Variants in SAMD4B observed in about 807,000 individuals in gnomAD.
SAMD4B encodes protein Smaug homolog 2.
Under a neutral mutation model 74.5 loss-of-function variants are expected in SAMD4B, and 5 were observed. The observed-to-expected ratio is 0.07, with a 90% CI of 0.04 to 0.14. The LOEUF is 0.14. Ranked by LOEUF, SAMD4B falls within the 10% of genes least tolerant of loss-of-function variation. The pLI, the probability that SAMD4B is intolerant of heterozygous loss-of-function variation, is 1.00. For missense variants in SAMD4B, 608 were observed against 921.8 expected (o/e 0.66, Z 4.41); for synonymous variants, 373 against 374.9 (o/e 1.00, Z 0.06).
In SAMD4B at chr19:39,383,534, C is replaced by G; in HGVS notation, c.*7C>G. 1 of 1,614,250 alleles carries G rather than the reference C, an allele frequency of 6.2e-7. No homozygotes were observed. The highest frequency in any genetic ancestry group is 2.2e-5 in the East Asian group (1 of 44,880). On this transcript the variant is annotated 3_prime_UTR_variant, in exon 14 of 14. Transcript: ENST00000610417. The surrounding 1 kb of genome is among the most constrained non-coding windows in gnomAD (Gnocchi z 4.1). ...CAAAACCTCCACCATCTGACGGGAC[C>G]CACAGCCCAGCGCACCCATAGGCTC...
At chr19:39,367,121 G>A (rs369794971) in intron 3 of SAMD4B, among the ~76,000 whole-genome samples, 1 of 152,208 alleles carries the variant, frequency 6.6e-6, no homozygotes, top group South Asian at 2.1e-4. Flanking sequence ...TCAGTGAAGT[G>A]ATCACACTTG....
At position 39,376,447 on chromosome 19, in the gene SAMD4B, A is replaced by G. The variant is rs774186331; in HGVS notation, c.918A>G (p.Ser306=). 1 of 1,611,950 alleles carries G rather than the reference A, an allele frequency of 6.2e-7. No homozygotes were observed. Among genetic ancestry groups the G allele is most frequent in the Admixed American group, 1.7e-5 (1 of 60,002 alleles). Residue 306 remains serine (S), a synonymous_variant, in exon 6 of 14, where the codon TCA becomes TCG. Coordinates refer to ENST00000610417, the MANE Select transcript of SAMD4B (RefSeq NM_001384574.2). ...EDGSGMKDVP[S]WLKSLRLHKY... is the part of the protein sequence containing the mutation. ...CCTCCTTTGCCAAAGATGTGCCCTCATGGCTCAAGAGCCTCCGTTTGCACA... is the reference window on the plus strand; with the variant it reads ...CCTCCTTTGCCAAAGATGTGCCCTCGTGGCTCAAGAGCCTCCGTTTGCACA...
intron 3 of SAMD4B, chr19:39,369,447 C>T: frequency 1.7e-6 from 1 of 582,020 alleles, no homozygotes; most frequent in Non-Finnish European, 3.0e-6. Context: ...GACCCCATCT[C>T]TTAAAAAAAA....
intron 1 of SAMD4B, among the ~76,000 whole-genome samples, chr19:39,353,123 T>G (rs2076147175): frequency 6.6e-6 from 1 of 152,132 alleles, no homozygotes; most frequent in South Asian, 2.1e-4. Flanking sequence ...TGCTGCCTCT[T>G]TGGGACTGAA....
chr19:39,349,002 C>G (rs1471524282), intron 1 of SAMD4B, among the ~76,000 whole-genome samples: 5 of 152,178 alleles, frequency 3.3e-5, no homozygotes, highest in Admixed American at 6.5e-5. Context: ...ATTACACCCA[C>G]ATTACAGATG....
At chr19:39,390,326 G>A (rs746242540), downstream of SAMD4B, 26 of 1,584,548 alleles carry the variant, frequency 1.6e-5, no homozygotes, top group East Asian at 4.1e-4. Flanking sequence ...AGGTGGAGAG[G>A]ACGGGATTGA....
chr19:39,367,985 C>T (rs1005152297), intron 3 of SAMD4B, among the ~76,000 whole-genome samples: 12 of 151,104 alleles, frequency 7.9e-5, no homozygotes, highest in East Asian at 6.0e-4. Flanking sequence ...GAGGCTGAGG[C>T]GGGTGGATCA....
At chr19:39,372,364 C>T (rs1019133056) in intron 4 of SAMD4B, among the ~76,000 whole-genome samples, 7 of 152,098 alleles carry the variant, frequency 4.6e-5, no homozygotes, top group Non-Finnish European at 5.9e-5. Context: ...CACACAGAGG[C>T]GACAGAGTCA....
chr19:39,381,828 A>G, intron 12 of SAMD4B, among the ~76,000 whole-genome samples: 1 of 152,190 alleles, frequency 6.6e-6, no homozygotes, highest in Non-Finnish European at 1.5e-5. Context: ...GCTACTCGGG[A>G]GGGTGAGGCA....
intron 3 of SAMD4B, among the ~76,000 whole-genome samples, chr19:39,359,543 A>G (rs886610057): frequency 6.6e-6 from 1 of 152,204 alleles, no homozygotes. Context: ...TTCACTTACC[A>G]ATATGATTTG....
In SAMD4B at chr19:39,378,595, G is replaced by C. The variant is rs755156831; in HGVS notation, c.1530+6G>C. 3.7e-6 allele frequency: 6 copies of C among 1,613,066 alleles called. No individual in the cohort carries two copies. The highest frequency in any genetic ancestry group is 5.1e-6 in the Non-Finnish European group (6 of 1,179,312). ...AAAAGTGCCTGACTCATGAGGTAAG[G>C]CCTTCCCTAGCATACTCAAAAAGGG... On this transcript the variant is annotated splice_donor_region_variant and intron_variant, in intron 9 of 13. Coordinates refer to ENST00000610417, the MANE Select transcript of SAMD4B (RefSeq NM_001384574.2). This position sits in a 1 kb window ranked among gnomAD's most constrained non-coding sequence, Gnocchi z 4.4.
At chr19:39,373,014 G>T (rs1353477862) in intron 4 of SAMD4B, among the ~76,000 whole-genome samples, 1 of 152,140 alleles carries the variant, frequency 6.6e-6, no homozygotes, top group Middle Eastern at 3.2e-3. Context: ...TGACTTCCTA[G>T]CCAGGAGCAT....
intron 3 of SAMD4B, among the ~76,000 whole-genome samples, chr19:39,367,570 G>T (rs1321616041): frequency 6.9e-6 from 1 of 143,906 alleles, no homozygotes. Context: ...GTGCAGTGGC[G>T]CGATCTCGGC....
At chr19:39,367,637 T>C (rs557058339) in intron 3 of SAMD4B, among the ~76,000 whole-genome samples, 1 of 150,832 alleles carries the variant, frequency 6.6e-6, no homozygotes, top group East Asian at 2.0e-4. Flanking sequence ...GCCTCCCAAG[T>C]AGCTGGAATT....
At position 39,384,183 on chromosome 19, in the gene SAMD4B, A is replaced by G. The variant is rs995446525; in HGVS notation, c.*656A>G. 6.2e-6 allele frequency: 1 copy of G among 160,242 alleles called. No individual in the cohort carries two copies. The highest frequency in any genetic ancestry group is 2.4e-5 in the African/African-American group (1 of 41,652). The allele number at this position is 160,242 out of a possible 1,614,324, so 9.9% of individuals were successfully genotyped here. On this transcript the variant is annotated 3_prime_UTR_variant, in exon 14 of 14. Transcript: ENST00000610417. The stretch of plus-strand genomic sequence containing the variant: ...AAGATACATATTTATATAGTTCTTA[A>G]CGGTTTTTCTCTGATCATTTCCTCT...
downstream of SAMD4B, chr19:39,386,219 A>G (rs1437763434): frequency 1.9e-6 from 3 of 1,613,902 alleles, no homozygotes; most frequent in Non-Finnish European, 1.7e-6. This position sits in a 1 kb window ranked among gnomAD's most constrained non-coding sequence, Gnocchi z 6.1. Flanking sequence ...AATCAGCATC[A>G]CTGCCAAAGA....
chr19:39,366,737 C>T (rs1247009656), intron 3 of SAMD4B, among the ~76,000 whole-genome samples: 1 of 152,070 alleles, frequency 6.6e-6, no homozygotes, highest in African/African-American at 2.4e-5. Context: ...TCAGTGTGGG[C>T]AGAGGAGACC....
intron 11 of SAMD4B, 43 bp downstream of exon 11, chr19:39,380,828 G>T: frequency 6.6e-7 from 1 of 1,510,608 alleles, no homozygotes. Context: ...TGGGGTTGGG[G>T]TGGCAGTACC....
At chr19:39,387,059 G>A (rs2078268138), downstream of SAMD4B, 6 of 557,268 alleles carry the variant, frequency 1.1e-5, no homozygotes, top group African/African-American at 3.8e-5. Context: ...ACATAAATAC[G>A]GGCATGGGCC....
Sources: gnomAD v4.1 joint callset for allele counts (sites outside exome capture counted in the v4.1 genomes callset) on GRCh38, gnomAD v4.1.1 for gene constraint, Gnocchi (gnomAD v3.1) non-coding constraint, MANE v1.5 for transcripts, NCBI Gene and HGNC (gene_info 2026-07-23, HGNC 2026-07-21) for gene names.